Variants in FAM193A observed in about 807,000 individuals in gnomAD.
FAM193A encodes protein FAM193A.
In FAM193A, 22 loss-of-function variants were observed where a neutral mutation model predicts 126.5. That is an observed-to-expected ratio of 0.17 (90% CI 0.12 to 0.25). The LOEUF (loss-of-function observed/expected upper bound fraction) is 0.25, where lower values mean the gene tolerates loss of function less well. FAM193A is among the 10% of genes least tolerant of loss of function. The probability of loss-of-function intolerance (pLI) is 1.00; values close to 1 mark genes in which losing one functional copy is unlikely to be tolerated. For missense variants in FAM193A, 1,675 were observed against 1,672.8 expected, an observed-to-expected ratio of 1.00 and a Z score of -0.02; for synonymous variants, 761 against 646.8, an observed-to-expected ratio of 1.18 and a Z score of -2.68.
At chr4:2,545,426 T>A (rs1737485935) in intron 1 of FAM193A, among the ~76,000 whole-genome samples, 1 of 152,098 alleles carries the variant, frequency 6.6e-6, no homozygotes, top group African/African-American at 2.4e-5. Context: ...CTTACTGTTG[T>A]GTTAATATTC....
chr4:2,706,777 T>A (rs1351836119), intron 19 of FAM193A, among the ~76,000 whole-genome samples: 1 of 151,522 alleles, frequency 6.6e-6, no homozygotes, highest in Admixed American at 6.6e-5. Flanking sequence ...TCCCAGGCTA[T>A]TTCATGTTTG....
chr4:2,552,461 T>G (rs2084123822), intron 1 of FAM193A, among the ~76,000 whole-genome samples: 1 of 150,430 alleles, frequency 6.6e-6, no homozygotes, highest in South Asian at 2.1e-4. Context: ...TTTTCTAATG[T>G]GAATATTTAA....
At chr4:2,598,543 T>C (rs1021085063) in intron 2 of FAM193A, among the ~76,000 whole-genome samples, 2 of 152,222 alleles carry the variant, frequency 1.3e-5, no homozygotes, top group Admixed American at 6.5e-5. Flanking sequence ...ACAGTGGCCT[T>C]CGGGGTCTCA....
chr4:2,677,640 C>G (rs1714569656), intron 13 of FAM193A, among the ~76,000 whole-genome samples: 2 of 150,964 alleles, frequency 1.3e-5, no homozygotes, highest in African/African-American at 4.9e-5. Flanking sequence ...ACTCGGGAGG[C>G]TGAGGCAGGA....
chr4:2,720,998 A>G (rs141854890), intron 20 of FAM193A, among the ~76,000 whole-genome samples: 1 of 152,044 alleles, frequency 6.6e-6, no homozygotes, highest in African/African-American at 2.4e-5. Context: ...ATAGACCACA[A>G]CTCTACAAGA....
rs1352049743 is a variant in FAM193A, at chr4:2,669,697, C to T, written c.2080-2424C>T. ...AAGTTGAGTGAGAGCTACAGAGACA[C>T]CCTATACCCAGGGTCCCCACACACA... On this transcript the variant is annotated intron_variant, in intron 12 of 20. Coordinates refer to ENST00000637812, the MANE Select transcript of FAM193A (RefSeq NM_001366318.2). Among the ~76,000 whole-genome samples, 5 of 152,212 alleles carry T rather than the reference C, an allele frequency of 3.3e-5. No individual in the cohort carries two copies. The East Asian group carries it at 9.6e-4, about 29-fold the overall frequency.
chr4:2,703,055 T>C (rs1717916560), intron 19 of FAM193A, among the ~76,000 whole-genome samples: 1 of 152,194 alleles, frequency 6.6e-6, no homozygotes, highest in South Asian at 2.1e-4. Flanking sequence ...AAAGGTAGTG[T>C]ATTATAGACA....
At chr4:2,675,501 C>A (rs1714297124) in intron 13 of FAM193A, among the ~76,000 whole-genome samples, 1 of 152,148 alleles carries the variant, frequency 6.6e-6, no homozygotes, top group Non-Finnish European at 1.5e-5. Context: ...ATGTAATGCT[C>A]CTTACTACCA....
At chr4:2,700,985 G>A (rs1207178285) in intron 19 of FAM193A, among the ~76,000 whole-genome samples, 1 of 151,732 alleles carries the variant, frequency 6.6e-6, no homozygotes, top group Non-Finnish European at 1.5e-5. Context: ...TAGAGAGAGA[G>A]AGGATTTCTA....
Position 2,672,115 on chromosome 4 carries a change from T to A in FAM193A, c.2080-6T>A, listed in dbSNP as rs1025309865. ...AAATAGGTATGTTTTTTTTCTTTCC[T>A]CTTAGGCTGAACAAGCTCCAAACAC... On this transcript the variant is annotated splice_region_variant and splice_polypyrimidine_tract_variant and intron_variant, in intron 12 of 20. Transcript: ENST00000637812. The A allele has an allele frequency of 2.5e-6, 4 of 1,613,900 alleles. No individual in the cohort carries two copies. In the African/African-American group the frequency reaches 5.3e-5, roughly 22 times the overall value.
chr4:2,719,472 G>A (rs59425183), intron 20 of FAM193A, among the ~76,000 whole-genome samples: 56,180 of 152,036 alleles, frequency 0.37, 10,977 homozygotes, highest in Admixed American at 0.54. Flanking sequence ...TTGGCCAAGC[G>A]TGGTGGCTCA....
chr4:2,591,980 T>C (rs1272476419), intron 1 of FAM193A, among the ~76,000 whole-genome samples: 1 of 152,216 alleles, frequency 6.6e-6, no homozygotes, highest in Non-Finnish European at 1.5e-5. Flanking sequence ...TTCTGGGTTA[T>C]CTTGGTCCCT....
At chr4:2,651,562 A>G (rs964562194) in intron 7 of FAM193A, among the ~76,000 whole-genome samples, 1 of 152,218 alleles carries the variant, frequency 6.6e-6, no homozygotes, top group East Asian at 1.9e-4. Flanking sequence ...CGCTATCATG[A>G]GAACAGCATG....
chr4:2,729,669 C>T (rs1428824208), intron 20 of FAM193A, among the ~76,000 whole-genome samples: 10 of 152,166 alleles, frequency 6.6e-5, no homozygotes, highest in Non-Finnish European at 1.5e-4. Flanking sequence ...CAGGTACCTG[C>T]CACCGGCAAC....
intron 20 of FAM193A, among the ~76,000 whole-genome samples, chr4:2,722,215 C>G (rs960787128): frequency 1.3e-5 from 2 of 152,122 alleles, no homozygotes; most frequent in East Asian, 1.9e-4. Flanking sequence ...TCCTGTGTGT[C>G]AGACACCGTG....
chr4:2,536,440 G>C (rs1340264431), upstream of FAM193A, among the ~76,000 whole-genome samples: 1 of 151,912 alleles, frequency 6.6e-6, no homozygotes, highest in Non-Finnish European at 1.5e-5. Context: ...TCCACCCCCG[G>C]GTACCCCCAG....
intron 12 of FAM193A, among the ~76,000 whole-genome samples, chr4:2,670,244 T>A (rs1266474410): frequency 6.6e-6 from 1 of 152,230 alleles, no homozygotes; most frequent in Non-Finnish European, 1.5e-5. Context: ...TTGGTTTAGC[T>A]ATTGTACTCT....
chr4:2,604,964 AT>A (rs112923916), intron 2 of FAM193A, among the ~76,000 whole-genome samples: 669 of 132,684 alleles, frequency 5.0e-3, no homozygotes, highest in Middle Eastern at 0.012. Flanking sequence ...GTCCTGGATG[AT>A]TTTTTTTTTT....
chr4:2,624,276 T>C (rs568525658), intron 2 of FAM193A, among the ~76,000 whole-genome samples: 5 of 152,150 alleles, frequency 3.3e-5, no homozygotes, highest in African/African-American at 1.2e-4. Flanking sequence ...TCCCGAGTAG[T>C]TGAGATTACA....
Sources: gnomAD v4.1 joint callset for allele counts (sites outside exome capture counted in the v4.1 genomes callset) on GRCh38, gnomAD v4.1.1 for gene constraint, MANE v1.5 for transcripts, NCBI Gene and HGNC (gene_info 2026-07-23, HGNC 2026-07-21) for gene names.